The following TCF7L2 variants were observed in gnomAD, a reference collection of about 807,000 sequenced individuals.
The protein encoded by TCF7L2 is transcription factor 7 like 2.
A neutral mutation model predicts 77.9 loss-of-function variants in TCF7L2; 23 were observed. That is an observed-to-expected ratio of 0.30 (90% confidence interval 0.21 to 0.42). The LOEUF is 0.42. Ranked by LOEUF, TCF7L2 falls within the 10% of genes least tolerant of loss-of-function variation. TCF7L2 has a pLI of 1.00. For missense variants in TCF7L2, 654 were observed against 793.1 expected (o/e 0.82, Z 2.11); for synonymous variants, 413 against 340.2 (o/e 1.21, Z -2.36).
intron 5 of TCF7L2, among the ~76,000 whole-genome samples, chr10:113,057,523 T>G (rs2055608657): frequency 6.6e-6 from 1 of 152,176 alleles, no homozygotes; most frequent in African/African-American, 2.4e-5. Context: ...TCATGGGACT[T>G]CTGTTGGGGG....
chr10:113,036,660 A>G (rs574416674), intron 4 of TCF7L2, among the ~76,000 whole-genome samples: 30 of 130,332 alleles, frequency 2.3e-4, no homozygotes, highest in African/African-American at 7.8e-4. Flanking sequence ...TTAAGCCAAG[A>G]TGGCCTTCTT....
intron 5 of TCF7L2, among the ~76,000 whole-genome samples, chr10:113,041,723 T>G (rs941164758): frequency 2.0e-5 from 3 of 152,200 alleles, no homozygotes; most frequent in Non-Finnish European, 4.4e-5. Flanking sequence ...CAGAGATTTT[T>G]TTTTTAAAAA....
At chr10:113,163,846 T>C (rs969744766) in intron 13 of TCF7L2, among the ~76,000 whole-genome samples, 14 of 152,050 alleles carry the variant, frequency 9.2e-5, no homozygotes, top group Non-Finnish European at 2.9e-5. Context: ...TTCCCTGCCT[T>C]CCTGCCATCT....
rs1289341812 is a variant in TCF7L2 at position 112,993,249 on chromosome 10, G to T, written c.450+28625G>T. Among the ~76,000 whole-genome samples the T allele has an allele frequency of 3.3e-5, 5 of 152,238 alleles. No homozygotes were observed. In the East Asian group the frequency reaches 7.8e-4, roughly 24 times the overall value. The stretch of plus-strand genomic sequence containing the variant: ...AAAATGCTTTTGCCAGCAAGGCGCG[G>T]TGGCTCATGCATGTAATCCCGGCAC... On this transcript the variant is annotated intron_variant, in intron 4 of 13. Coordinates refer to ENST00000627217, the MANE Select transcript of TCF7L2 (RefSeq NM_001146274.2).
At chr10:113,054,738 C>T (rs966221012) in intron 5 of TCF7L2, among the ~76,000 whole-genome samples, 9 of 151,228 alleles carry the variant, frequency 6.0e-5, no homozygotes, top group Admixed American at 2.0e-4. Flanking sequence ...TTATACTTTT[C>T]GACATCTATT....
chr10:113,026,920 A>G (rs1463594170), intron 4 of TCF7L2, among the ~76,000 whole-genome samples: 2 of 152,186 alleles, frequency 1.3e-5, no homozygotes, highest in African/African-American at 2.4e-5. Flanking sequence ...ATGACATACT[A>G]ATGAGCTAAG....
intron 5 of TCF7L2, among the ~76,000 whole-genome samples, chr10:113,091,772 T>G (rs2060433107): frequency 6.6e-6 from 1 of 152,220 alleles, no homozygotes; most frequent in Non-Finnish European, 1.5e-5. Context: ...TGCTTGCCTC[T>G]GATCTTGCAT....
chr10:112,997,140 A>T (rs1293821947), intron 4 of TCF7L2, among the ~76,000 whole-genome samples: 1 of 152,214 alleles, frequency 6.6e-6, no homozygotes, highest in Non-Finnish European at 1.5e-5. Context: ...TTCCTCCATT[A>T]TGAGGGTTGA....
intron 3 of TCF7L2, among the ~76,000 whole-genome samples, chr10:112,958,387 C>T (rs1421884846): frequency 2.0e-5 from 3 of 152,064 alleles, no homozygotes; most frequent in African/African-American, 7.2e-5. Flanking sequence ...AATTAGTACG[C>T]ACTGTAATTG....
At chr10:113,096,269 G>T (rs936612785) in intron 5 of TCF7L2, among the ~76,000 whole-genome samples, 1 of 152,148 alleles carries the variant, frequency 6.6e-6, no homozygotes, top group Non-Finnish European at 1.5e-5. Context: ...CGTCAGCAAG[G>T]TAGATGTTTG....
intron 4 of TCF7L2, among the ~76,000 whole-genome samples, chr10:112,979,695 G>C (rs1454383940): frequency 6.6e-6 from 1 of 151,994 alleles, no homozygotes; most frequent in African/African-American, 2.4e-5. Context: ...GGCGGAGGTT[G>C]CAGTGAGCAG....
intron 5 of TCF7L2, among the ~76,000 whole-genome samples, chr10:113,052,182 T>C (rs940609281): frequency 1.3e-5 from 2 of 152,214 alleles, no homozygotes; most frequent in African/African-American, 4.8e-5. Context: ...GGCTACAGTG[T>C]TGATCCAAGG....
At chr10:112,968,064 A>G (rs536860168) in intron 4 of TCF7L2, among the ~76,000 whole-genome samples, 1 of 152,354 alleles carries the variant, frequency 6.6e-6, no homozygotes, top group South Asian at 2.1e-4. Context: ...AGGTGGATGA[A>G]GTTTTCCATA....
At chr10:112,995,629 G>T (rs1029890100) in intron 4 of TCF7L2, among the ~76,000 whole-genome samples, 8 of 152,274 alleles carry the variant, frequency 5.3e-5, no homozygotes, top group African/African-American at 1.9e-4. Flanking sequence ...GGGCTATTCT[G>T]TGACTCAAAT....
chr10:113,064,014 G>C (rs141664569), intron 5 of TCF7L2, among the ~76,000 whole-genome samples: 14 of 152,152 alleles, frequency 9.2e-5, no homozygotes, highest in African/African-American at 2.9e-4. Context: ...GACAAGTCTA[G>C]GGAACTCCTG....
intron 5 of TCF7L2, among the ~76,000 whole-genome samples, chr10:113,118,520 G>GTGTGTGT (rs1555084612): frequency 0.064 from 9,077 of 141,338 alleles, 374 homozygotes; most frequent in Middle Eastern, 0.11. Context: ...TCATCTGGGG[G>GTGTGTGT]GTGTGTGTGT....
At chr10:113,125,208 G>T in intron 5 of TCF7L2, among the ~76,000 whole-genome samples, 1 of 151,008 alleles carries the variant, frequency 6.6e-6, no homozygotes, top group Non-Finnish European at 1.5e-5. Flanking sequence ...CGAATCGCTC[G>T]TTCTCTGTTC....
rs189096006 is a variant in TCF7L2, at chr10:113,164,053, G to T, written c.1392-1502G>T. Among the ~76,000 whole-genome samples the T allele has an allele frequency of 1.4e-4, 21 of 152,330 alleles. 1 individual carries two copies. The East Asian group carries it at 3.3e-3, about 24-fold the overall frequency. ...GTGCTTACACACGTGTTTCCAGTTG[G>T]AGTGTTATCAGCCATGGTTCTGACA... On this transcript the variant is annotated intron_variant, in intron 13 of 13. Transcript: ENST00000627217.
At chr10:113,129,827 T>A (rs1392047273) in intron 5 of TCF7L2, 7 of 1,288,976 alleles carry the variant, frequency 5.4e-6, no homozygotes, top group South Asian at 1.2e-5. Flanking sequence ...ACAGAGAAAG[T>A]TTTTTTAGAG....
Sources: allele counts gnomAD v4.1 joint callset (sites outside exome capture counted in the v4.1 genomes callset), GRCh38; gene constraint gnomAD v4.1.1; transcripts MANE v1.5; gene names NCBI Gene and HGNC (gene_info 2026-07-23, HGNC 2026-07-21).